The following ADAMTS2 variants were observed in gnomAD, a reference collection of about 807,000 sequenced individuals.
The protein encoded by ADAMTS2 is A disintegrin and metalloproteinase with thrombospondin motifs 2.
ADAMTS2 carries 50 observed loss-of-function variants against 123.0 expected under a neutral mutation model. The observed-to-expected ratio is 0.41, with a 90% confidence interval of 0.32 to 0.51. The LOEUF (loss-of-function observed/expected upper bound fraction) is 0.51, where lower values mean the gene tolerates loss of function less well. ADAMTS2 is among the 20% of genes least tolerant of loss of function. The probability of loss-of-function intolerance (pLI) is 0.35; values close to 1 mark genes in which losing one functional copy is unlikely to be tolerated. For synonymous variants in ADAMTS2, 678 were observed against 695.4 expected (o/e 0.98, Z 0.39); for missense variants, 1,494 against 1,705.2 (o/e 0.88, Z 2.18).
chr5:179,286,403 A>G (rs996706420), intron 2 of ADAMTS2, among the ~76,000 whole-genome samples: 4 of 151,852 alleles, frequency 2.6e-5, no homozygotes, highest in African/African-American at 9.7e-5. Context: ...ACGCCTGAGC[A>G]CCAGCACTCC....
At chr5:179,286,731 G>T (rs1249449636) in intron 2 of ADAMTS2, among the ~76,000 whole-genome samples, 2 of 152,272 alleles carry the variant, frequency 1.3e-5, no homozygotes, top group East Asian at 3.9e-4. Context: ...GGCAGCACAG[G>T]CCGGGGCTTG....
At chr5:179,243,150 G>GA (rs34678289) in intron 3 of ADAMTS2, among the ~76,000 whole-genome samples, 2,052 of 143,876 alleles carry the variant, frequency 0.014, 36 homozygotes, top group African/African-American at 0.044. Context: ...TTATTTACTG[G>GA]AAAAAAAAAA....
At chr5:179,119,281 C>A (rs1209940621) in intron 21 of ADAMTS2, among the ~76,000 whole-genome samples, 1 of 152,216 alleles carries the variant, frequency 6.6e-6, no homozygotes, top group Non-Finnish European at 1.5e-5. Flanking sequence ...ACTCAGCCAT[C>A]GCTACCATGG....
At position 179,136,020 on chromosome 5, in the gene ADAMTS2, G is replaced by A. The variant is rs754931729; in HGVS notation, c.1974C>T (p.Tyr658=). 1.9e-6 allele frequency: 3 copies of A among 1,613,362 alleles called. No individual in the cohort carries two copies. Among genetic ancestry groups the A allele is most frequent in the African/African-American group, 1.3e-5 (1 of 74,926 alleles). The change falls in exon 13 of 22, where the codon TAC becomes TAT. Residue 658 remains tyrosine (Y), a synonymous_variant. Transcript: ENST00000251582. ...HRDAKERCHL[Y]CESRETGEVV... The stretch of plus-strand genomic sequence containing the variant: ...CCTCCCCGGTCTCCCTGGACTCGCA[G>A]TACAGGTGGCATCTCTCCTTGGCTG...
In ADAMTS2 at chr5:179,317,958, G is replaced by A. The variant is rs41122; in HGVS notation, c.534+25809C>T. On this transcript the variant is annotated intron_variant, in intron 2 of 21. Coordinates refer to ENST00000251582, the MANE Select transcript of ADAMTS2 (RefSeq NM_014244.5). This position sits in a 1 kb window ranked among gnomAD's most constrained non-coding sequence, Gnocchi z 4.9. Reference sequence around the variant, plus strand: ...GCTCATCCAGGGCTGGGGTGGAGCCGGGACATGAGGAACGGGCAGTGATGA... The same window carrying A: ...GCTCATCCAGGGCTGGGGTGGAGCCAGGACATGAGGAACGGGCAGTGATGA... Among the ~76,000 whole-genome samples the A allele has an allele frequency of 0.34, 52,275 of 152,048 alleles. 9,828 individuals are homozygous for A. Among genetic ancestry groups the A allele is most frequent in the East Asian group, 0.7 (3,588 of 5,140 alleles).
intron 4 of ADAMTS2, among the ~76,000 whole-genome samples, chr5:179,182,542 G>A (rs1764072227): frequency 6.6e-6 from 1 of 152,156 alleles, no homozygotes; most frequent in Non-Finnish European, 1.5e-5. Flanking sequence ...CAGGCATACA[G>A]GGCGTGCAAG....
chr5:179,144,612 T>A (rs919059875), intron 10 of ADAMTS2, among the ~76,000 whole-genome samples: 12 of 152,248 alleles, frequency 7.9e-5, no homozygotes, highest in Admixed American at 7.9e-4. Context: ...AACCTTTACA[T>A]TTGATAAGTT....
chr5:179,186,156 G>A (rs1001521223), intron 4 of ADAMTS2, among the ~76,000 whole-genome samples: 2 of 152,144 alleles, frequency 1.3e-5, no homozygotes, highest in Non-Finnish European at 2.9e-5. Flanking sequence ...CTGGGCCTGG[G>A]ATCCTGCTCC....
chr5:179,256,047 C>T lies in ADAMTS2; in HGVS notation c.688+16864G>A, dbSNP rs1766043914. 6.6e-6 allele frequency among the ~76,000 whole-genome samples: 1 copy of T among 152,214 alleles called. No individual in the cohort carries two copies. Among genetic ancestry groups the T allele is most frequent in the Non-Finnish European group, 1.5e-5 (1 of 68,038 alleles). On this transcript the variant is annotated intron_variant, in intron 3 of 21. Coordinates refer to ENST00000251582, the MANE Select transcript of ADAMTS2 (RefSeq NM_014244.5). The surrounding 1 kb of genome is among the most constrained non-coding windows in gnomAD (Gnocchi z 4.1). ...CAGTCTCCTTCTCTGTCCCCAGCCT[C>T]TCCCGCAGCTTGGCCTTGGTCCACC... is the stretch of plus-strand genomic sequence containing the variant.
At chr5:179,230,088 T>C (rs1043340588) in intron 3 of ADAMTS2, among the ~76,000 whole-genome samples, 1 of 152,174 alleles carries the variant, frequency 6.6e-6, no homozygotes, top group African/African-American at 2.4e-5. Flanking sequence ...ATCAAATCCC[T>C]GAGAGTCAGG....
chr5:179,216,689 C>T (rs564286024), intron 3 of ADAMTS2, among the ~76,000 whole-genome samples: 22 of 152,370 alleles, frequency 1.4e-4, no homozygotes, highest in African/African-American at 2.2e-4. Flanking sequence ...CTCCATCCAG[C>T]GGGGGCAGTG....
intron 2 of ADAMTS2, among the ~76,000 whole-genome samples, chr5:179,328,915 A>G (rs1269253936): frequency 1.3e-5 from 2 of 152,210 alleles, no homozygotes; most frequent in African/African-American, 4.8e-5. Flanking sequence ...GGCCTTCTGC[A>G]AAGGGGACAC....
chr5:179,344,117 C>T lies in ADAMTS2; in HGVS notation c.184G>A (p.Val62Met), dbSNP rs1757865906. 3 of 1,607,506 alleles carry T rather than the reference C, an allele frequency of 1.9e-6. No individual in the cohort carries two copies. Among genetic ancestry groups the T allele is most frequent in the East Asian group, 4.5e-5 (2 of 44,682 alleles). Residue 62 changes from valine to methionine, a missense_variant, in exon 2 of 22, where the codon GTG (valine) becomes ATG (methionine). Val to Met is a conservative substitution (Grantham distance 21). Around this residue, in one of 6 missense-constraint regions of ADAMTS2, gnomAD observed 237 missense variants for 233.7 expected, o/e 1.01. Transcript: ENST00000251582. ...HGAERILAVP[V>M]RTDAQGRLVS... ...AAGCGGCCCTGGGCGTCAGTGCGCA[C>T]GGGCACCGCCAGGATGCGCTCCGCT...
intron 19 of ADAMTS2, among the ~76,000 whole-genome samples, chr5:179,123,810 G>C (rs6871456): frequency 0.31 from 46,658 of 152,210 alleles, 7,307 homozygotes; most frequent in East Asian, 0.43. Context: ...GAGTGTTTTT[G>C]CCTGCCTGAG....
intron 12 of ADAMTS2, 103 bp downstream of exon 12, chr5:179,137,666 G>C: frequency 6.8e-7 from 1 of 1,461,864 alleles, no homozygotes; most frequent in Non-Finnish European, 9.2e-7. Context: ...GCCCAGGGTC[G>C]CGGCAGCCTT....
intron 3 of ADAMTS2, among the ~76,000 whole-genome samples, chr5:179,224,027 A>G (rs972176483): frequency 1.3e-5 from 2 of 152,266 alleles, no homozygotes; most frequent in Admixed American, 6.5e-5. Flanking sequence ...ACTTCTGAGC[A>G]GGTGGAGACA....
chr5:179,331,196 G>T (rs1221170125), intron 2 of ADAMTS2, among the ~76,000 whole-genome samples: 2 of 150,146 alleles, frequency 1.3e-5, no homozygotes, highest in East Asian at 4.0e-4. Flanking sequence ...GTCCCCAGGA[G>T]TCCTGGCTGA....
At chr5:179,137,965 C>T in intron 11 of ADAMTS2, 21 bp from the exon 12 acceptor site, 2 of 1,540,982 alleles carry the variant, frequency 1.3e-6, no homozygotes, top group Non-Finnish European at 1.7e-6. Flanking sequence ...AAGCAAAGGC[C>T]TTGCCGCTCC....
intron 4 of ADAMTS2, among the ~76,000 whole-genome samples, chr5:179,191,660 C>T (rs575189783): frequency 6.6e-6 from 1 of 152,186 alleles, no homozygotes; most frequent in African/African-American, 2.4e-5. Flanking sequence ...CTGCTGAGCC[C>T]ACACCAGGCT....
Sources: gnomAD v4.1 joint callset for allele counts (sites outside exome capture counted in the v4.1 genomes callset) on GRCh38, gnomAD v4.1.1 for gene constraint, gnomAD v4.1.1 regional missense constraint, Gnocchi (gnomAD v3.1) non-coding constraint, MANE v1.5 for transcripts, NCBI Gene and HGNC (gene_info 2026-07-23, HGNC 2026-07-21) for gene names.